CHST3: variants seen among roughly 807,000 people sequenced by gnomAD.
The protein encoded by CHST3 is C6ST-1.
In CHST3, 20 loss-of-function variants were observed where a neutral mutation model predicts 35.4. The ratio of observed to expected loss-of-function variants is 0.57; its 90% CI spans 0.40 to 0.82. CHST3 has a LOEUF of 0.82. CHST3 is among the 40% of genes least tolerant of loss of function. CHST3 has a pLI of 0.00. For synonymous variants in CHST3, 334 were observed against 295.9 expected (o/e 1.13, Z -1.32); for missense variants, 693 against 670.1 (o/e 1.03, Z -0.38).
intron 1 of CHST3, among the ~76,000 whole-genome samples, chr10:71,997,520 T>G (rs1353918567): frequency 6.6e-6 from 1 of 152,210 alleles, no homozygotes; most frequent in Non-Finnish European, 1.5e-5. Flanking sequence ...TCCTGCCCTC[T>G]TCTAATGTAT....
At chr10:71,997,518 T>G (rs966203967) in intron 1 of CHST3, among the ~76,000 whole-genome samples, 1 of 152,172 alleles carries the variant, frequency 6.6e-6, no homozygotes, top group African/African-American at 2.4e-5. Context: ...AGTCCTGCCC[T>G]CTTCTAATGT....
chr10:71,968,199 G>A (rs1290008837), intron 1 of CHST3, among the ~76,000 whole-genome samples: 6 of 152,048 alleles, frequency 3.9e-5, no homozygotes, highest in African/African-American at 1.4e-4. Flanking sequence ...GTATGAGATG[G>A]TATCTCATTG....
chr10:71,975,745 A>ATGCCAGCCTTTGCAGCTGC (rs1370482155), intron 1 of CHST3, among the ~76,000 whole-genome samples: 1 of 152,218 alleles, frequency 6.6e-6, no homozygotes, highest in African/African-American at 2.4e-5. Flanking sequence ...GTGGGCGCAG[A>ATGCCAGCCTTTGCAGCTGC]TGCCAGCCTT....
chr10:71,992,331 C>T (rs563156631), intron 1 of CHST3, among the ~76,000 whole-genome samples: 46 of 152,238 alleles, frequency 3.0e-4, no homozygotes, highest in African/African-American at 8.9e-4. Context: ...GTGCATGTCA[C>T]CACACCCAGC....
intron 1 of CHST3, among the ~76,000 whole-genome samples, chr10:71,974,560 C>T (rs892689549): frequency 5.9e-5 from 9 of 152,082 alleles, no homozygotes; most frequent in Non-Finnish European, 1.2e-4. Context: ...AGGGTGGAGA[C>T]GGGGAGAGAT....
rs1022589622 is a variant in CHST3 at position 72,011,727 on chromosome 10, T to C, written c.*3256T>C. The C allele has an allele frequency of 6.6e-6, 1 of 152,204 alleles. No homozygotes were observed. Among genetic ancestry groups the C allele is most frequent in the Non-Finnish European group, 1.5e-5 (1 of 68,046 alleles). The allele number at this position is 152,204 out of a possible 1,614,324, so 9.4% of individuals were successfully genotyped here. A position where few individuals can be genotyped will look rare whatever the true frequency, so the allele number is the denominator to read the frequency against. ...TTGATGAGTTCTGCGGCCCAGCATA[T>C]AGAAATGGCTCAGAACGTTCCAGGC... On this transcript the variant is annotated 3_prime_UTR_variant, in exon 3 of 3. Transcript: ENST00000373115.
chr10:72,007,748 G>A lies in CHST3; in HGVS notation c.717G>A (p.Lys239=), dbSNP rs767914471. 6.2e-7 allele frequency: 1 copy of A among 1,602,138 alleles called. No homozygotes were observed. The highest frequency in any genetic ancestry group is 1.3e-5 in the African/African-American group (1 of 74,922). Residue 239 remains lysine, a synonymous_variant, in exon 3 of 3, where the codon AAG becomes AAA. Transcript: ENST00000373115. ...CEDPVCTPFV[K]KVFEKYHCKN... is the part of the protein sequence containing the mutation. ...ACCCCGTCTGTACGCCCTTCGTCAAGAAGGTCTTCGAGAAGTACCACTGCA... is the reference window on the plus strand; with the variant it reads ...ACCCCGTCTGTACGCCCTTCGTCAAAAAGGTCTTCGAGAAGTACCACTGCA...
chr10:71,982,218 G>A (rs1025181178), intron 1 of CHST3, among the ~76,000 whole-genome samples: 6 of 152,180 alleles, frequency 3.9e-5, no homozygotes, highest in African/African-American at 1.4e-4. Context: ...ATAAGAGGGA[G>A]GCAGAAGATT....
intron 1 of CHST3, among the ~76,000 whole-genome samples, chr10:72,000,223 T>C (rs1839980328): frequency 6.6e-6 from 1 of 152,206 alleles, no homozygotes; most frequent in Non-Finnish European, 1.5e-5. Context: ...GGACATTGAT[T>C]CGTTCATTCA....
chr10:71,994,530 A>C (rs955625242), intron 1 of CHST3, among the ~76,000 whole-genome samples: 3 of 152,226 alleles, frequency 2.0e-5, no homozygotes, highest in African/African-American at 7.2e-5. Context: ...TTCCATTTAC[A>C]AGCACAGGCA....
At chr10:71,994,496 C>G (rs775040919) in intron 1 of CHST3, among the ~76,000 whole-genome samples, 5 of 152,174 alleles carry the variant, frequency 3.3e-5, no homozygotes, top group Non-Finnish European at 7.3e-5. Flanking sequence ...ATACTGTAAA[C>G]AGATATGCTG....
At chr10:71,990,972 C>T (rs1410365385) in intron 1 of CHST3, among the ~76,000 whole-genome samples, 2 of 152,172 alleles carry the variant, frequency 1.3e-5, no homozygotes, top group Non-Finnish European at 2.9e-5. Context: ...TTTTCTCTTG[C>T]GTCACATCTG....
At chr10:72,002,199 T>C (rs1309677388) in intron 1 of CHST3, among the ~76,000 whole-genome samples, 6 of 152,194 alleles carry the variant, frequency 3.9e-5, no homozygotes, top group African/African-American at 1.2e-4. Context: ...CCTGTCCAAG[T>C]GTCCAGCTTT....
At chr10:71,991,723 A>C (rs1839898166) in intron 1 of CHST3, among the ~76,000 whole-genome samples, 1 of 152,180 alleles carries the variant, frequency 6.6e-6, no homozygotes, top group South Asian at 2.1e-4. Context: ...ACCTGAGGTC[A>C]GGAGTTCGAG....
Position 71,992,774 on chromosome 10 carries a change from C to T in CHST3, c.-107-12962C>T, listed in dbSNP as rs548320694. Among the ~76,000 whole-genome samples, 294 of 151,744 alleles carry T rather than the reference C, an allele frequency of 1.9e-3. 2 individuals are homozygous for T. The highest frequency in any genetic ancestry group is 6.8e-3 in the African/African-American group (282 of 41,328). ...CTCCCAGATTCAAGCAATTCTACTG[C>T]CTCAGCCTCCAGAGTAGGTGGGATT... is the stretch of plus-strand genomic sequence containing the variant. On this transcript the variant is annotated intron_variant, in intron 1 of 2. Coordinates refer to ENST00000373115, the MANE Select transcript of CHST3 (RefSeq NM_004273.5).
chr10:72,007,737 C>T lies in CHST3; in HGVS notation c.706C>T (p.Pro236Ser). 1 of 1,603,476 alleles carries T rather than the reference C, an allele frequency of 6.2e-7. No individual in the cohort carries two copies. The highest frequency in any genetic ancestry group is 1.7e-5 in the Admixed American group (1 of 59,952). ...RSLCEDPVCT[P>S]FVKKVFEKYH... is the part of the protein sequence containing the mutation. ...CCTGTGCGAGGACCCCGTCTGTACG[C>T]CCTTCGTCAAGAAGGTCTTCGAGAA... The change falls in exon 3 of 3, where the codon CCC becomes TCC. Residue 236 changes from proline to serine, a missense_variant. Transcript: ENST00000373115.
chr10:71,991,512 C>T (rs1366940147), intron 1 of CHST3, among the ~76,000 whole-genome samples: 1 of 152,154 alleles, frequency 6.6e-6, no homozygotes, highest in Non-Finnish European at 1.5e-5. Flanking sequence ...CTAAGACATT[C>T]TATATTTTGG....
rs560311396 is a variant in CHST3 at position 71,968,479 on chromosome 10, T to C, written c.-108+3785T>C. On this transcript the variant is annotated intron_variant, in intron 1 of 2. Coordinates refer to ENST00000373115, the MANE Select transcript of CHST3 (RefSeq NM_004273.5). ...ATAGTTTCTTTTGCTGTGCAGAGGC[T>C]CTTTAGTTTAATTAGGTCCCATTTG... Among the ~76,000 whole-genome samples the C allele has an allele frequency of 5.3e-5, 8 of 152,352 alleles. No homozygotes were observed. The South Asian group carries it at 1.7e-3, about 32-fold the overall frequency.
chr10:71,973,174 G>A (rs978138212), intron 1 of CHST3, among the ~76,000 whole-genome samples: 1 of 152,162 alleles, frequency 6.6e-6, no homozygotes, highest in Non-Finnish European at 1.5e-5. Context: ...GGCTAACGTG[G>A]GCCAAGGAAG....
Sources: gnomAD v4.1 joint callset for allele counts (sites outside exome capture counted in the v4.1 genomes callset) on GRCh38, gnomAD v4.1.1 for gene constraint, MANE v1.5 for transcripts, NCBI Gene and HGNC (gene_info 2026-07-23, HGNC 2026-07-21) for gene names.